Variants in POLA1 observed in about 807,000 individuals in gnomAD.
POLA1 encodes the protein DNA polymerase alpha 1, catalytic subunit.
In POLA1, 15 loss-of-function variants were observed where a neutral mutation model predicts 124.0. That is an observed-to-expected ratio of 0.12 (90% CI 0.08 to 0.19). POLA1 has a LOEUF of 0.19. POLA1 is among the 10% of genes least tolerant of loss of function. POLA1 has a pLI of 1.00. For missense variants in POLA1, 886 were observed against 1,103.4 expected, an observed-to-expected ratio of 0.80 and a Z score of 2.79; for synonymous variants, 408 against 389.4, an observed-to-expected ratio of 1.05 and a Z score of -0.56.
At chrX:24,823,031 CT>C (rs997212203) in intron 31 of POLA1, among the ~76,000 whole-genome samples, 3 of 111,867 alleles carry the variant, frequency 2.7e-5, no homozygotes, top group African/African-American at 9.7e-5. Flanking sequence ...CCCTTGATGT[CT>C]GAATGTTAGG....
intron 26 of POLA1, among the ~76,000 whole-genome samples, chrX:24,781,869 A>G (rs763749931): frequency 8.9e-6 from 1 of 111,952 alleles, no homozygotes; most frequent in South Asian, 3.8e-4. Context: ...TTTTCTGATC[A>G]TTTTATACTG....
chrX:24,900,686 T>G (rs1302784066), intron 35 of POLA1, among the ~76,000 whole-genome samples: 1 of 111,867 alleles, frequency 8.9e-6, no homozygotes, highest in Non-Finnish European at 1.9e-5. Flanking sequence ...CTCTGTGCTA[T>G]CCTTCATTGT....
At chrX:24,876,711 G>A (rs1018812811) in intron 34 of POLA1, among the ~76,000 whole-genome samples, 2 of 110,446 alleles carry the variant, frequency 1.8e-5, no homozygotes, top group Admixed American at 9.6e-5. Flanking sequence ...GTGGTATGGA[G>A]AGAGGTGGGT....
intron 35 of POLA1, among the ~76,000 whole-genome samples, chrX:24,902,004 G>GCACA (rs781587090): frequency 0.011 from 1,183 of 104,962 alleles, 18 homozygotes; most frequent in African/African-American, 0.041. Flanking sequence ...GCATGTGCGT[G>GCACA]CACACACACA....
At chrX:24,854,828 C>CAA (rs1351936669) in intron 34 of POLA1, among the ~76,000 whole-genome samples, 1 of 59,485 alleles carries the variant, frequency 1.7e-5, no homozygotes, top group Admixed American at 2.0e-4. Context: ...GACTCCATCT[C>CAA]AAAAAAAAAA....
At chrX:24,881,921 A>G (rs754731043) in intron 34 of POLA1, among the ~76,000 whole-genome samples, 1 of 111,629 alleles carries the variant, frequency 9.0e-6, no homozygotes, top group African/African-American at 3.3e-5. Flanking sequence ...AATGATGAGA[A>G]AGGGCAGGGG....
At chrX:24,974,281 C>A (rs943364869) in intron 36 of POLA1, among the ~76,000 whole-genome samples, 6 of 111,253 alleles carry the variant, frequency 5.4e-5, no homozygotes, top group Non-Finnish European at 1.1e-4. Flanking sequence ...CTGCTGCTGG[C>A]GTCTAGTGGG....
chrX:24,984,478 T>C (rs1254160509), intron 36 of POLA1, among the ~76,000 whole-genome samples: 5 of 110,958 alleles, frequency 4.5e-5, no homozygotes, highest in Admixed American at 3.8e-4. Flanking sequence ...TGTAAACACA[T>C]GTAGAGGGGA....
chrX:24,695,769 C>T (rs760348601), intron 1 of POLA1, among the ~76,000 whole-genome samples: 2 of 112,068 alleles, frequency 1.8e-5, no homozygotes, highest in African/African-American at 3.2e-5. Context: ...TGAGCCACTG[C>T]GCCCGGCCAG....
intron 35 of POLA1, among the ~76,000 whole-genome samples, chrX:24,894,276 C>T (rs1391046416): frequency 1.8e-5 from 2 of 112,138 alleles, no homozygotes; most frequent in African/African-American, 6.5e-5. Flanking sequence ...TGTTAACTTT[C>T]TTGGCATCCA....
intron 36 of POLA1, among the ~76,000 whole-genome samples, chrX:24,930,914 C>CA (rs1238405592): frequency 8.9e-6 from 1 of 111,972 alleles, no homozygotes; most frequent in Non-Finnish European, 1.9e-5. Context: ...GATATTACTG[C>CA]AAAAAAATAG....
At chrX:24,972,536 A>G (rs1389107569) in intron 36 of POLA1, among the ~76,000 whole-genome samples, 2 of 111,866 alleles carry the variant, frequency 1.8e-5, no homozygotes, top group Admixed American at 1.9e-4. Context: ...GCACAAGTCT[A>G]GCAACCTGAA....
chrX:24,910,966 G>C (rs2047440741), intron 35 of POLA1, among the ~76,000 whole-genome samples: 1 of 111,921 alleles, frequency 8.9e-6, no homozygotes, highest in African/African-American at 3.2e-5. Context: ...CAACAAGATA[G>C]ACCATATTCT....
chrX:24,797,823 G>A (rs2045634044), intron 26 of POLA1, among the ~76,000 whole-genome samples: 1 of 109,622 alleles, frequency 9.1e-6, no homozygotes, highest in Non-Finnish European at 1.9e-5. Flanking sequence ...TGAGGTGGGA[G>A]GATTGCTTGA....
intron 35 of POLA1, among the ~76,000 whole-genome samples, chrX:24,891,354 G>A (rs1473855159): frequency 9.0e-6 from 1 of 111,484 alleles, no homozygotes; most frequent in Non-Finnish European, 1.9e-5. Context: ...GAGCAGGCTG[G>A]TTGGTGATAC....
chrX:24,940,596 G>C (rs966316577), intron 36 of POLA1, among the ~76,000 whole-genome samples: 1 of 111,733 alleles, frequency 8.9e-6, no homozygotes, highest in Non-Finnish European at 1.9e-5. Flanking sequence ...CTTGGGGTTA[G>C]ATACAGGTAT....
At chrX:24,743,889 CT>C (rs2148396870) in intron 23 of POLA1, among the ~76,000 whole-genome samples, 1 of 108,585 alleles carries the variant, frequency 9.2e-6, no homozygotes, top group African/African-American at 3.3e-5. Context: ...ATTTTTTTTT[CT>C]TTTTTTCTTT....
chrX:24,968,465 C>G (rs1371301310), intron 36 of POLA1, among the ~76,000 whole-genome samples: 6 of 110,674 alleles, frequency 5.4e-5, no homozygotes, highest in Non-Finnish European at 1.1e-4. Context: ...TTTGGGAGGC[C>G]AAGGCGGGCG....
chrX:24,727,786 C>A lies in POLA1; in HGVS notation c.1536C>A (p.Leu512=). The change falls in exon 15 of 37, where the codon CTC becomes CTA. Residue 512 remains leucine (L), a synonymous_variant. Transcript: ENST00000379068. Reference sequence around the variant, plus strand: ...GTTGTATCTATTCTCTTTCAGAGCTCTTGAATCAGCCAGTCAGTTGGTGTA... The same window carrying A: ...GTTGTATCTATTCTCTTTCAGAGCTATTGAATCAGCCAGTCAGTTGGTGTA... ...PCWLEVKSPQ[L]LNQPVSWCKV... The A allele has an allele frequency of 8.3e-7, 1 of 1,205,659 alleles. No homozygotes were observed. The highest frequency in any genetic ancestry group is 1.1e-6 in the Non-Finnish European group (1 of 890,732).
Sources: allele counts gnomAD v4.1 joint callset (sites outside exome capture counted in the v4.1 genomes callset), GRCh38; gene constraint gnomAD v4.1.1; transcripts MANE v1.5; gene names NCBI Gene and HGNC (gene_info 2026-07-23, HGNC 2026-07-21).